TP53BP1: variants seen among roughly 807,000 people sequenced by gnomAD.
TP53BP1 encodes TP53-binding protein 1.
A neutral mutation model predicts 200.8 loss-of-function variants in TP53BP1; 61 were observed. The observed-to-expected ratio is 0.30, with a 90% CI of 0.25 to 0.38. TP53BP1 has a LOEUF of 0.38. Among genes scored for constraint, TP53BP1 ranks in the 10% least tolerant of loss-of-function variants. TP53BP1 has a pLI of 1.00. For synonymous variants in TP53BP1, 822 were observed against 844.3 expected, an observed-to-expected ratio of 0.97 and a Z score of 0.46; for missense variants, 2,144 against 2,371.9, an observed-to-expected ratio of 0.90 and a Z score of 2.00.
chr15:43,500,868 G>A (rs980259436), intron 1 of TP53BP1, among the ~76,000 whole-genome samples: 6 of 151,454 alleles, frequency 4.0e-5, no homozygotes, highest in Admixed American at 2.6e-4. Context: ...TAAGAACACC[G>A]TCAACACACC....
intron 1 of TP53BP1, among the ~76,000 whole-genome samples, chr15:43,504,124 T>C (rs763953439): frequency 6.6e-6 from 1 of 152,044 alleles, no homozygotes; most frequent in Non-Finnish European, 1.5e-5. Flanking sequence ...CCTCCTCATC[T>C]CTACAAATCA....
chr15:43,407,238 A>G lies in TP53BP1; in HGVS notation c.*145T>C. 1.4e-6 allele frequency: 1 copy of G among 697,928 alleles called. No homozygotes were observed. The allele number at this position is 697,928 out of a possible 1,614,324, so 43.2% of individuals were successfully genotyped here. A position where few individuals can be genotyped will look rare whatever the true frequency, so the allele number is the denominator to read the frequency against. ...GTTACTACAACCAAAGAGATTCAACATTTATTTTATCATAAAAGTTCAGCA... is the reference window on the plus strand; with the variant it reads ...GTTACTACAACCAAAGAGATTCAACGTTTATTTTATCATAAAAGTTCAGCA... On this transcript the variant is annotated 3_prime_UTR_variant, in exon 28 of 28. Coordinates refer to ENST00000382044, the MANE Select transcript of TP53BP1 (RefSeq NM_001141980.3).
In TP53BP1 at chr15:43,428,003, G is replaced by C. The variant is rs779885336; in HGVS notation, c.3828+13C>G. 1 of 1,547,812 alleles carries C rather than the reference G, an allele frequency of 6.5e-7. No homozygotes were observed. Among genetic ancestry groups the C allele is most frequent in the South Asian group, 1.2e-5 (1 of 84,670 alleles). ...GAAAGAAATTTGCCACACAGACTCA[G>C]AGTATGTATTACCTCAGTTACTTTT... On this transcript the variant is annotated intron_variant, in intron 18 of 27. Coordinates refer to ENST00000382044, the MANE Select transcript of TP53BP1 (RefSeq NM_001141980.3).
Position 43,416,206 on chromosome 15 carries a change from C to G in TP53BP1, c.4873+19G>C. On this transcript the variant is annotated intron_variant, in intron 22 of 27. Transcript: ENST00000382044. ...GAACAGGAGCCCAAAAGCAGCTGTT[C>G]AGGAAGCAAAAGTCTTACCTAAGCT... is the stretch of plus-strand genomic sequence containing the variant. 1 of 1,604,192 alleles carries G rather than the reference C, an allele frequency of 6.2e-7. No individual in the cohort carries two copies. Among genetic ancestry groups the G allele is most frequent in the Non-Finnish European group, 8.5e-7 (1 of 1,176,342 alleles).
chr15:43,438,728 CAAAAAAAAAAAAAAA>C (rs397699362), intron 15 of TP53BP1, among the ~76,000 whole-genome samples: 4 of 21,648 alleles, frequency 1.8e-4, no homozygotes, highest in East Asian at 1.6e-3. Context: ...AAGCAAGAGG[CAAAAAAAAAAAAAAA>C]AAAAAAAAAA....
chr15:43,407,751 T>C (rs1566910633), intron 27 of TP53BP1, 181 bp from the exon 28 acceptor site: 1 of 779,622 alleles, frequency 1.3e-6, no homozygotes. Context: ...GCTGACCTTG[T>C]AGAAATATTT....
At chr15:43,431,903 G>C (rs764866429) in intron 17 of TP53BP1, among the ~76,000 whole-genome samples, 2 of 152,172 alleles carry the variant, frequency 1.3e-5, no homozygotes, top group African/African-American at 2.4e-5. Flanking sequence ...AGTGAATGTA[G>C]AAGAGTATTA....
intron 12 of TP53BP1, among the ~76,000 whole-genome samples, chr15:43,451,889 C>CT (rs1348313542): frequency 6.6e-6 from 1 of 152,210 alleles, no homozygotes; most frequent in Non-Finnish European, 1.5e-5. Context: ...AATCCCGGCA[C>CT]TTTGAGAGGC....
In TP53BP1 at chr15:43,419,051, C is replaced by T. The variant is rs150746928; in HGVS notation, c.4681+1254G>A. Among the ~76,000 whole-genome samples, 16 of 152,264 alleles carry T rather than the reference C, an allele frequency of 1.1e-4. No homozygotes were observed. In the East Asian group the frequency reaches 3.1e-3, roughly 29 times the overall value. On this transcript the variant is annotated intron_variant, in intron 21 of 27. Transcript: ENST00000382044. ...CCTGGCCAATATGGCGAAATGCCAT[C>T]CCCACTAAAAATACAAAAATTAGCC...
At chr15:43,474,803 A>G in intron 9 of TP53BP1, 36 bp from the exon 10 acceptor site, 2 of 1,451,206 alleles carry the variant, frequency 1.4e-6, no homozygotes, top group Non-Finnish European at 1.9e-6. Context: ...TTATTTTACC[A>G]TAGCCACAGT....
At position 43,403,920 on chromosome 15, in the gene TP53BP1, A is replaced by G. The variant is rs1395497756; in HGVS notation, c.*3463T>C. On this transcript the variant is annotated 3_prime_UTR_variant, in exon 28 of 28. Transcript: ENST00000382044. The stretch of plus-strand genomic sequence containing the variant: ...TTCCTCAATACACACACGTACAGAG[A>G]TAAGATACAAAGATAAAAATGTTGG... 4.3e-6 allele frequency: 3 copies of G among 693,090 alleles called. No individual in the cohort carries two copies. Among genetic ancestry groups the G allele is most frequent in the African/African-American group, 3.6e-5 (2 of 56,278 alleles). The allele number at this position is 693,090 out of a possible 1,614,324, so 42.9% of individuals were successfully genotyped here.
chr15:43,452,873 T>G (rs1261288940), intron 12 of TP53BP1, among the ~76,000 whole-genome samples: 1 of 152,086 alleles, frequency 6.6e-6, no homozygotes, highest in African/African-American at 2.4e-5. Flanking sequence ...TATCTCACTG[T>G]TTTAGAAGCT....
intron 19 of TP53BP1, 99 bp downstream of exon 19, chr15:43,421,756 G>A: frequency 1.4e-6 from 2 of 1,456,444 alleles, no homozygotes; most frequent in Middle Eastern, 2.5e-4. Flanking sequence ...TTTAATGGAG[G>A]ATGGGGGATT....
At chr15:43,502,059 C>T (rs893159373) in intron 1 of TP53BP1, among the ~76,000 whole-genome samples, 1 of 152,194 alleles carries the variant, frequency 6.6e-6, no homozygotes, top group Non-Finnish European at 1.5e-5. Flanking sequence ...GTGGCTCGTG[C>T]CTGTAATCCC....
At chr15:43,469,816 A>T (rs776487495) in intron 11 of TP53BP1, 42 bp downstream of exon 11, 32 of 1,527,014 alleles carry the variant, frequency 2.1e-5, no homozygotes, top group Non-Finnish European at 2.7e-5. Context: ...TGCTGCTTTA[A>T]AAAAATATGT....
chr15:43,441,951 C>G lies in TP53BP1; in HGVS notation c.3041-368G>C, dbSNP rs902869941. 5.3e-5 allele frequency among the ~76,000 whole-genome samples: 8 copies of G among 152,138 alleles called. 1 individual carries two copies. The highest frequency in any genetic ancestry group is 3.9e-4 in the Admixed American group (6 of 15,272). On this transcript the variant is annotated intron_variant, in intron 14 of 27. Transcript: ENST00000382044. Reference sequence around the variant, plus strand: ...TTTTTTAGGAAAGACAGGGTTTTGCCAAGTTTCCCAAGCTGGTCTCAAACT... The same window carrying G: ...TTTTTTAGGAAAGACAGGGTTTTGCGAAGTTTCCCAAGCTGGTCTCAAACT...
Position 43,422,114 on chromosome 15 carries a change from G to C in TP53BP1, c.3841C>G (p.Pro1281Ala). Residue 1281 changes from proline (P) to alanine (A), a missense_variant, in exon 19 of 28, where the codon CCA becomes GCA. By Grantham distance (27) the Pro-to-Ala change is conservative. Around this residue, in one of 4 missense-constraint regions of TP53BP1, gnomAD observed 1,700 missense variants for 1,710.3 expected, o/e 0.99. Transcript: ENST00000382044. The part of the protein sequence containing the change: ...ERKVTEETEE[P>A]IVECQECETE... The stretch of plus-strand genomic sequence containing the variant: ...TCACACTCCTGACACTCTACAATTG[G>C]CTCTTCAGTCTCCTGCAAGGAAAAA... 3 of 1,613,868 alleles carry C rather than the reference G, an allele frequency of 1.9e-6. No homozygotes were observed. The highest frequency in any genetic ancestry group is 2.5e-6 in the Non-Finnish European group (3 of 1,179,940).
chr15:43,405,156 C>T lies in TP53BP1; in HGVS notation c.*2227G>A. The T allele has an allele frequency of 6.2e-7, 1 of 1,611,036 alleles. No individual in the cohort carries two copies. Among genetic ancestry groups the T allele is most frequent in the Non-Finnish European group, 8.5e-7 (1 of 1,177,578 alleles). ...TGATTCATATTTCTTTGAAGGTAGTCTTGGGAAAGCATGACACTTAATAAG... is the reference window on the plus strand; with the variant it reads ...TGATTCATATTTCTTTGAAGGTAGTTTTGGGAAAGCATGACACTTAATAAG... On this transcript the variant is annotated 3_prime_UTR_variant, in exon 28 of 28. Transcript: ENST00000382044.
Position 43,407,929 on chromosome 15 carries a change from A to G in TP53BP1, c.5746+14T>C. On this transcript the variant is annotated intron_variant, in intron 27 of 27. Transcript: ENST00000382044. ...TCCCTGGAACAAAGACACTACACAC[A>G]CTCTTTCAGGTACCTTTGTTATGGG... 6 of 1,607,386 alleles carry G rather than the reference A, an allele frequency of 3.7e-6. No homozygotes were observed. Among genetic ancestry groups the G allele is most frequent in the East Asian group, 2.2e-5 (1 of 44,816 alleles).
Sources: gnomAD v4.1 joint callset for allele counts (sites outside exome capture counted in the v4.1 genomes callset) on GRCh38, gnomAD v4.1.1 for gene constraint, gnomAD v4.1.1 regional missense constraint, MANE v1.5 for transcripts, NCBI Gene and HGNC (gene_info 2026-07-23, HGNC 2026-07-21) for gene names.